Variants in LMX1A observed in about 807,000 individuals in gnomAD.
LMX1A encodes the protein LIM homeobox transcription factor 1 alpha.
In LMX1A, 15 loss-of-function variants were observed where a neutral mutation model predicts 49.1. The observed-to-expected ratio is 0.31, with a 90% CI of 0.20 to 0.47. The LOEUF (loss-of-function observed/expected upper bound fraction) is 0.47, where lower values mean the gene tolerates loss of function less well. Ranked by LOEUF, LMX1A falls within the 20% of genes least tolerant of loss-of-function variation. LMX1A has a pLI of 1.00. For missense variants in LMX1A, 372 were observed against 475.8 expected (o/e 0.78, Z 2.03); for synonymous variants, 167 against 185.7 (o/e 0.90, Z 0.82).
intron 4 of LMX1A, among the ~76,000 whole-genome samples, chr1:165,245,595 A>ATTT (rs1652824111): frequency 6.6e-6 from 1 of 151,422 alleles, no homozygotes; most frequent in Non-Finnish European, 1.5e-5. Context: ...ATCATTTAAA[A>ATTT]TTAGCCCACA....
chr1:165,217,673 ATG>A (rs377275463), intron 4 of LMX1A, among the ~76,000 whole-genome samples: 1 of 152,242 alleles, frequency 6.6e-6, no homozygotes, highest in East Asian at 1.9e-4. Context: ...CAGTGCATAT[ATG>A]TGGGTTTCAC....
chr1:165,329,590 G>C (rs1172041794), intron 3 of LMX1A, among the ~76,000 whole-genome samples: 1 of 151,892 alleles, frequency 6.6e-6, no homozygotes, highest in Non-Finnish European at 1.5e-5. Flanking sequence ...TGAAGGCAGA[G>C]GCAGTAAGTG....
rs143898654 is a variant in LMX1A at position 165,222,748 on chromosome 1, G to A, written c.497-8935C>T. On this transcript the variant is annotated intron_variant, in intron 4 of 8. Coordinates refer to ENST00000342310, the MANE Select transcript of LMX1A (RefSeq NM_177398.4). ...TGCTTGAGCCCTTGGCTGAGACACC[G>A]TGGTTCCCGACCAGGCCTTCTGCTG... 2.5e-3 allele frequency among the ~76,000 whole-genome samples: 384 copies of A among 152,332 alleles called. 1 individual carries two copies. The highest frequency in any genetic ancestry group is 8.5e-3 in the African/African-American group (354 of 41,564).
chr1:165,253,778 T>C (rs1176749357), intron 3 of LMX1A, among the ~76,000 whole-genome samples: 1 of 152,204 alleles, frequency 6.6e-6, no homozygotes, highest in South Asian at 2.1e-4. Context: ...TTGGAATGGC[T>C]CGTTTATCAC....
chr1:165,255,917 G>A (rs1048175390), intron 3 of LMX1A, among the ~76,000 whole-genome samples: 1 of 149,354 alleles, frequency 6.7e-6, no homozygotes, highest in Non-Finnish European at 1.5e-5. Flanking sequence ...AGGTTGCAGT[G>A]AGCCGAGATC....
chr1:165,253,104 T>C (rs1653114870), intron 3 of LMX1A, among the ~76,000 whole-genome samples: 4 of 152,154 alleles, frequency 2.6e-5, no homozygotes, highest in Admixed American at 2.6e-4. Context: ...GTGGTAGAAA[T>C]TGTTGTAGGC....
chr1:165,321,421 A>G (rs1003047405), intron 3 of LMX1A, among the ~76,000 whole-genome samples: 2 of 152,178 alleles, frequency 1.3e-5, no homozygotes, highest in African/African-American at 4.8e-5. Flanking sequence ...TTATATCTCA[A>G]TAAAACTACT....
intron 3 of LMX1A, among the ~76,000 whole-genome samples, chr1:165,269,251 C>T (rs559126379): frequency 6.6e-6 from 1 of 152,382 alleles, no homozygotes; most frequent in South Asian, 2.1e-4. Context: ...CGAGAATCAG[C>T]TTCCCTAAGG....
chr1:165,301,002 C>T (rs1654758769), intron 3 of LMX1A, among the ~76,000 whole-genome samples: 1 of 152,146 alleles, frequency 6.6e-6, no homozygotes, highest in African/African-American at 2.4e-5. Flanking sequence ...AAATGGAGCC[C>T]AGATATCTGC....
intron 3 of LMX1A, among the ~76,000 whole-genome samples, chr1:165,333,618 C>T (rs1298311216): frequency 1.3e-5 from 2 of 152,264 alleles, no homozygotes; most frequent in East Asian, 1.9e-4. Context: ...GTCTCTTCTA[C>T]ACAGTTTTTC....
intron 4 of LMX1A, among the ~76,000 whole-genome samples, chr1:165,228,974 GAC>G (rs932216152): frequency 2.6e-5 from 4 of 152,070 alleles, no homozygotes; most frequent in Non-Finnish European, 5.9e-5. Flanking sequence ...CAATTAAAGA[GAC>G]AGGTTTTTCC....
intron 4 of LMX1A, among the ~76,000 whole-genome samples, chr1:165,226,298 TG>T (rs1318997427): frequency 6.6e-5 from 10 of 152,344 alleles, no homozygotes; most frequent in African/African-American, 2.4e-4. Context: ...TTTACCTTCA[TG>T]CTTAAGGTGC....
intron 3 of LMX1A, among the ~76,000 whole-genome samples, chr1:165,316,122 T>C (rs1655212491): frequency 6.6e-6 from 1 of 152,162 alleles, no homozygotes; most frequent in African/African-American, 2.4e-5. Context: ...CATTTTATTT[T>C]TTGACAGGAG....
intron 3 of LMX1A, among the ~76,000 whole-genome samples, chr1:165,331,210 A>C (rs1202081129): frequency 6.6e-6 from 1 of 152,222 alleles, no homozygotes; most frequent in Non-Finnish European, 1.5e-5. Flanking sequence ...TAAAGCATCT[A>C]TTATAACTAT....
chr1:165,326,779 A>G (rs1238979637), intron 3 of LMX1A, among the ~76,000 whole-genome samples: 2 of 152,124 alleles, frequency 1.3e-5, no homozygotes, highest in Non-Finnish European at 2.9e-5. Context: ...TTGCTATTTC[A>G]GTGATTTGTA....
At chr1:165,315,323 C>T (rs756133490) in intron 3 of LMX1A, among the ~76,000 whole-genome samples, 1 of 152,208 alleles carries the variant, frequency 6.6e-6, no homozygotes, top group Non-Finnish European at 1.5e-5. Context: ...AACATCCACA[C>T]TAACGAAAGA....
chr1:165,348,501 C>T (rs181521650), intron 3 of LMX1A, among the ~76,000 whole-genome samples: 10 of 152,218 alleles, frequency 6.6e-5, no homozygotes, highest in African/African-American at 2.2e-4. Context: ...CGAGCTAAGC[C>T]CCCTGCAATT....
intron 4 of LMX1A, among the ~76,000 whole-genome samples, chr1:165,242,855 G>A (rs576372900): frequency 2.2e-3 from 325 of 150,346 alleles, no homozygotes; most frequent in Non-Finnish European, 3.6e-3. Flanking sequence ...GCGTGAACCC[G>A]GCAGGTGGAG....
chr1:165,324,421 T>G (rs1027054497), intron 3 of LMX1A, among the ~76,000 whole-genome samples: 1 of 152,142 alleles, frequency 6.6e-6, no homozygotes, highest in African/African-American at 2.4e-5. Flanking sequence ...ACAGTGCATT[T>G]TGGCCATGAG....
Sources: allele counts gnomAD v4.1 joint callset (sites outside exome capture counted in the v4.1 genomes callset), GRCh38; gene constraint gnomAD v4.1.1; transcripts MANE v1.5; gene names NCBI Gene and HGNC (gene_info 2026-07-23, HGNC 2026-07-21).